MAPRE1: variants seen among roughly 807,000 people sequenced by gnomAD.
MAPRE1 encodes microtubule-associated protein RP/EB family member 1.
A neutral mutation model predicts 32.1 loss-of-function variants in MAPRE1; 5 were observed. That is an observed-to-expected ratio of 0.16 (90% confidence interval 0.08 to 0.33). MAPRE1 has a LOEUF of 0.33. Among genes scored for constraint, MAPRE1 ranks in the 10% least tolerant of loss-of-function variants. The probability of loss-of-function intolerance (pLI) is 1.00; values close to 1 mark genes in which losing one functional copy is unlikely to be tolerated. For synonymous variants in MAPRE1, 122 were observed against 118.9 expected, an observed-to-expected ratio of 1.03 and a Z score of -0.17; for missense variants, 209 against 327.2, an observed-to-expected ratio of 0.64 and a Z score of 2.79.
At chr20:32,842,648 G>GT (rs1182493781) in intron 5 of MAPRE1, among the ~76,000 whole-genome samples, 1 of 152,214 alleles carries the variant, frequency 6.6e-6, no homozygotes, top group Non-Finnish European at 1.5e-5. Context: ...TTTGGAAACT[G>GT]TAAGTACTCA....
At chr20:32,827,416 T>A (rs1982886586) in intron 2 of MAPRE1, among the ~76,000 whole-genome samples, 1 of 150,246 alleles carries the variant, frequency 6.7e-6, no homozygotes, top group East Asian at 2.0e-4. Flanking sequence ...CTCAAAAAAA[T>A]GAAAAATAAG....
intron 2 of MAPRE1, among the ~76,000 whole-genome samples, chr20:32,832,052 T>C (rs1331284796): frequency 1.3e-5 from 2 of 152,184 alleles, no homozygotes; most frequent in Non-Finnish European, 2.9e-5. Flanking sequence ...TGAAGATCCT[T>C]TCTTAATTAA....
chr20:32,845,683 A>T (rs928133732), intron 5 of MAPRE1, among the ~76,000 whole-genome samples: 1 of 152,120 alleles, frequency 6.6e-6, no homozygotes, highest in Non-Finnish European at 1.5e-5. Context: ...GAGCCTTGCT[A>T]TGTTGTCACA....
chr20:32,833,904 T>C lies in MAPRE1; in HGVS notation c.267+42T>C, dbSNP rs370801986. 1.7e-5 allele frequency: 26 copies of C among 1,568,866 alleles called. No individual in the cohort carries two copies. In the African/African-American group the frequency reaches 3.2e-4, roughly 20 times the overall value. Reference sequence around the variant, plus strand: ...TTTTATTGTGGTTAATGTTCCTTAATGATCGTTACTAAGGAGGTAGATGCT... The same window carrying C: ...TTTTATTGTGGTTAATGTTCCTTAACGATCGTTACTAAGGAGGTAGATGCT... On this transcript the variant is annotated intron_variant, in intron 3 of 6. Transcript: ENST00000375571.
At chr20:32,844,110 T>C (rs1983438228) in intron 5 of MAPRE1, among the ~76,000 whole-genome samples, 2 of 152,148 alleles carry the variant, frequency 1.3e-5, no homozygotes, top group Admixed American at 1.3e-4. Flanking sequence ...CGTCTTGGCC[T>C]CCCAAGGTGC....
Position 32,821,727 on chromosome 20 carries a change from A to G in MAPRE1, c.-4+1699A>G, listed in dbSNP as rs1343721652. Among the ~76,000 whole-genome samples the G allele has an allele frequency of 7.5e-4, 114 of 152,152 alleles. 3 individuals carry two copies. The highest frequency in any genetic ancestry group is 1.0e-4 in the Non-Finnish European group (7 of 68,034). ...GTGGCACCTCCTTCCCCCACTTTAC[A>G]TAGGGCTTATTGTGGTGCCTTGAAA... On this transcript the variant is annotated intron_variant, in intron 1 of 6. Transcript: ENST00000375571.
At chr20:32,822,730 T>G (rs958898837) in intron 1 of MAPRE1, among the ~76,000 whole-genome samples, 1 of 152,194 alleles carries the variant, frequency 6.6e-6, no homozygotes, top group East Asian at 1.9e-4. Flanking sequence ...AGTGACTGCC[T>G]CACATTCAAA....
intron 5 of MAPRE1, among the ~76,000 whole-genome samples, chr20:32,846,067 T>A (rs1983497795): frequency 6.6e-6 from 1 of 152,206 alleles, no homozygotes; most frequent in East Asian, 1.9e-4. Context: ...GTGTTATAAC[T>A]TTTATTGGTC....
rs1263627676 is a variant in MAPRE1, at chr20:32,850,327, A to G, written c.*1599A>G. On this transcript the variant is annotated 3_prime_UTR_variant, in exon 7 of 7. Coordinates refer to ENST00000375571, the MANE Select transcript of MAPRE1 (RefSeq NM_012325.3). ...TAAAATTCCATTTTATTGGGAACCC[A>G]TTTTCCACCTGGTCTTTCTTGACAG... is the stretch of plus-strand genomic sequence containing the variant. 1 of 152,448 alleles carries G rather than the reference A, an allele frequency of 6.6e-6. No individual in the cohort carries two copies. The highest frequency in any genetic ancestry group is 1.5e-5 in the Non-Finnish European group (1 of 68,010). The allele number at this position is 152,448 out of a possible 1,614,324, so 9.4% of individuals were successfully genotyped here.
At chr20:32,821,015 C>T (rs1243241409) in intron 1 of MAPRE1, among the ~76,000 whole-genome samples, 1 of 149,772 alleles carries the variant, frequency 6.7e-6, no homozygotes, top group Non-Finnish European at 1.5e-5. Flanking sequence ...AAGAGAGATT[C>T]TCTTCTTCCT....
intron 5 of MAPRE1, among the ~76,000 whole-genome samples, chr20:32,842,246 T>C (rs2146137377): frequency 6.6e-6 from 1 of 152,198 alleles, no homozygotes; most frequent in South Asian, 2.1e-4. Context: ...CCACCACGCC[T>C]GGCTAAGTTT....
intron 2 of MAPRE1, among the ~76,000 whole-genome samples, chr20:32,830,725 A>G (rs960832681): frequency 6.7e-6 from 1 of 149,770 alleles, no homozygotes; most frequent in Non-Finnish European, 1.5e-5. Context: ...TGATCAAGGA[A>G]GTATCTCTTC....
rs374283932 is a variant in MAPRE1 at position 32,846,725 on chromosome 20, C to T, written c.705C>T (p.Asn235=). ...TTTGCCAGGAGAACGAGGGGGAAAA[C>T]GACCCTGTATTGCAGAGGATTGTAG... The part of the protein sequence containing the change: ...ELICQENEGE[N]DPVLQRIVDI... The change falls in exon 6 of 7, where the codon AAC becomes AAT. Residue 235 remains asparagine (N), a synonymous_variant. Transcript: ENST00000375571. The T allele has an allele frequency of 1.1e-5, 18 of 1,614,036 alleles. No homozygotes were observed. The highest frequency in any genetic ancestry group is 2.2e-5 in the East Asian group (1 of 44,892).
intron 1 of MAPRE1, among the ~76,000 whole-genome samples, chr20:32,821,471 A>G (rs1982699969): frequency 1.3e-5 from 2 of 152,212 alleles, no homozygotes; most frequent in African/African-American, 4.8e-5. Flanking sequence ...CCAGAGCTAC[A>G]CATCCAGATG....
At chr20:32,829,007 G>A (rs923806780) in intron 2 of MAPRE1, among the ~76,000 whole-genome samples, 1 of 151,288 alleles carries the variant, frequency 6.6e-6, no homozygotes, top group African/African-American at 2.4e-5. Flanking sequence ...TGCAACCTCC[G>A]CCTCCCAGGT....
intron 2 of MAPRE1, among the ~76,000 whole-genome samples, chr20:32,832,917 T>C (rs1014308023): frequency 2.0e-5 from 3 of 146,604 alleles, no homozygotes; most frequent in African/African-American, 5.1e-5. Flanking sequence ...GCACTCCAGC[T>C]TGGCAACAGA....
chr20:32,821,668 A>C (rs568266545), intron 1 of MAPRE1, among the ~76,000 whole-genome samples: 1 of 152,358 alleles, frequency 6.6e-6, no homozygotes, highest in Admixed American at 6.5e-5. Flanking sequence ...AGGAAGATTA[A>C]GTGACTTGCC....
intron 2 of MAPRE1, among the ~76,000 whole-genome samples, chr20:32,831,864 A>G (rs953025433): frequency 6.6e-6 from 1 of 151,100 alleles, no homozygotes; most frequent in Admixed American, 6.6e-5. Context: ...TGTGTAAAAT[A>G]GTACTGGGTA....
intron 3 of MAPRE1, among the ~76,000 whole-genome samples, chr20:32,834,580 C>T (rs1225376159): frequency 1.3e-5 from 2 of 151,908 alleles, no homozygotes; most frequent in African/African-American, 4.8e-5. Flanking sequence ...AGTAACACCC[C>T]CAATTATCTT....
Sources: allele counts gnomAD v4.1 joint callset (sites outside exome capture counted in the v4.1 genomes callset), GRCh38; gene constraint gnomAD v4.1.1; transcripts MANE v1.5; gene names NCBI Gene and HGNC (gene_info 2026-07-23, HGNC 2026-07-21).